Variants in FBXW7 observed in about 807,000 individuals in gnomAD.
The protein encoded by FBXW7 is F-box/WD repeat-containing protein 7.
Under a neutral mutation model 86.3 loss-of-function variants are expected in FBXW7, and 11 were observed. That is an observed-to-expected ratio of 0.13 (90% CI 0.08 to 0.21). The LOEUF is 0.21. Among genes scored for constraint, FBXW7 ranks in the 10% least tolerant of loss-of-function variants. The pLI is 1.00. For missense variants in FBXW7, 488 were observed against 847.4 expected, an observed-to-expected ratio of 0.58 and a Z score of 5.27; for synonymous variants, 313 against 297.9, an observed-to-expected ratio of 1.05 and a Z score of -0.52.
chr4:152,486,605 G>A (rs925955925), intron 2 of FBXW7, among the ~76,000 whole-genome samples: 1 of 151,972 alleles, frequency 6.6e-6, no homozygotes, highest in African/African-American at 2.4e-5. Flanking sequence ...AAGGTCTTCA[G>A]GGACAATAAC....
At chr4:152,361,509 A>G (rs975790838) in intron 4 of FBXW7, among the ~76,000 whole-genome samples, 1 of 152,210 alleles carries the variant, frequency 6.6e-6, no homozygotes, top group Non-Finnish European at 1.5e-5. Flanking sequence ...ATCTGAATGT[A>G]TATTTGTCTT....
intron 2 of FBXW7, among the ~76,000 whole-genome samples, chr4:152,503,052 G>C (rs1018608744): frequency 6.6e-6 from 1 of 152,092 alleles, no homozygotes; most frequent in Admixed American, 6.5e-5. Flanking sequence ...TTTACATAAA[G>C]AGATGGTAAA....
rs148021483 is a variant in FBXW7, at chr4:152,459,634, T to C, written c.-119-47105A>G. Among the ~76,000 whole-genome samples, 5 of 152,300 alleles carry C rather than the reference T, an allele frequency of 3.3e-5. 1 individual carries two copies. In the East Asian group the frequency reaches 9.6e-4, roughly 29 times the overall value. ...CCCCCACTTATCCACAGAGCATATGTTCCAGACCCCCCAGTGGATGCTTGA... is the reference window on the plus strand; with the variant it reads ...CCCCCACTTATCCACAGAGCATATGCTCCAGACCCCCCAGTGGATGCTTGA... On this transcript the variant is annotated intron_variant, in intron 2 of 13. Transcript: ENST00000281708.
In FBXW7 at chr4:152,322,841, T is replaced by C. The variant is rs1297515275; in HGVS notation, c.*40A>G. The C allele has an allele frequency of 6.2e-7, 1 of 1,608,768 alleles. No homozygotes were observed. Among genetic ancestry groups the C allele is most frequent in the Non-Finnish European group, 8.5e-7 (1 of 1,175,846 alleles). On this transcript the variant is annotated 3_prime_UTR_variant, in exon 14 of 14. Coordinates refer to ENST00000281708, the MANE Select transcript of FBXW7 (RefSeq NM_001349798.2). ...TTTGCAGGGGGAAGGGCAGGGAGTA[T>C]ATCGTCTACACAATTGGACAAATTC...
intron 4 of FBXW7, among the ~76,000 whole-genome samples, chr4:152,409,762 T>C (rs1330645249): frequency 6.6e-6 from 1 of 152,158 alleles, no homozygotes; most frequent in African/African-American, 2.4e-5. Flanking sequence ...CATAAATGCA[T>C]ACACACATCT....
At chr4:152,467,688 T>C (rs904208343) in intron 2 of FBXW7, among the ~76,000 whole-genome samples, 11 of 152,168 alleles carry the variant, frequency 7.2e-5, no homozygotes, top group Admixed American at 7.2e-4. Context: ...ACACAAGAAA[T>C]GCCAATGCTT....
intron 4 of FBXW7, among the ~76,000 whole-genome samples, chr4:152,386,250 T>C (rs575293648): frequency 1.3e-5 from 2 of 152,084 alleles, no homozygotes; most frequent in Non-Finnish European, 2.9e-5. Context: ...TGCAATATGA[T>C]AGGTAGGAAC....
At chr4:152,401,954 G>A (rs1029251008) in intron 4 of FBXW7, among the ~76,000 whole-genome samples, 97 of 152,156 alleles carry the variant, frequency 6.4e-4, no homozygotes, top group African/African-American at 2.2e-3. Context: ...TAAAGGACAA[G>A]TGTATTTCTT....
At chr4:152,359,966 C>T (rs1197846886) in intron 4 of FBXW7, among the ~76,000 whole-genome samples, 1 of 152,080 alleles carries the variant, frequency 6.6e-6, no homozygotes. Context: ...GAAATTACCA[C>T]CTGTGGACCT....
At chr4:152,381,573 C>T (rs1735075460) in intron 4 of FBXW7, among the ~76,000 whole-genome samples, 1 of 152,052 alleles carries the variant, frequency 6.6e-6, no homozygotes. Flanking sequence ...GAGAGGAGTA[C>T]GTAATCCTGA....
In FBXW7 at chr4:152,322,849, A is replaced by C. The variant is rs895805873; in HGVS notation, c.*32T>G. On this transcript the variant is annotated 3_prime_UTR_variant, in exon 14 of 14. Transcript: ENST00000281708. ...GGGAAGGGCAGGGAGTATATCGTCT[A>C]CACAATTGGACAAATTCATCTTTTC... The C allele has an allele frequency of 1.9e-6, 3 of 1,611,324 alleles. No homozygotes were observed. Among genetic ancestry groups the C allele is most frequent in the Non-Finnish European group, 2.5e-6 (3 of 1,177,990 alleles).
At chr4:152,448,655 C>T (rs943814404) in intron 2 of FBXW7, among the ~76,000 whole-genome samples, 1 of 152,128 alleles carries the variant, frequency 6.6e-6, no homozygotes, top group Admixed American at 6.5e-5. Flanking sequence ...CACATATATA[C>T]TCAAAATTGT....
intron 7 of FBXW7, among the ~76,000 whole-genome samples, chr4:152,333,748 T>C (rs1476663542): frequency 2.0e-5 from 3 of 152,124 alleles, no homozygotes; most frequent in Non-Finnish European, 4.4e-5. Context: ...CCAATGACTT[T>C]GCATATATAA....
At chr4:152,381,579 C>T (rs1037050171) in intron 4 of FBXW7, among the ~76,000 whole-genome samples, 9 of 152,056 alleles carry the variant, frequency 5.9e-5, no homozygotes. Flanking sequence ...AGTACGTAAT[C>T]CTGAGAAACA....
At chr4:152,358,563 G>A (rs1732621638) in intron 4 of FBXW7, among the ~76,000 whole-genome samples, 1 of 151,652 alleles carries the variant, frequency 6.6e-6, no homozygotes, top group South Asian at 2.1e-4. Flanking sequence ...ATTAACAGCA[G>A]GAAGCCATAG....
chr4:152,491,698 G>A (rs1371170212), intron 2 of FBXW7, among the ~76,000 whole-genome samples: 2 of 152,010 alleles, frequency 1.3e-5, no homozygotes, highest in Non-Finnish European at 2.9e-5. Context: ...AAGTGTCTTC[G>A]TAACTTTGAT....
Position 152,330,723 on chromosome 4 carries a change from T to G in FBXW7, c.1122+9A>C, listed in dbSNP as rs2126533731. The G allele has an allele frequency of 1.2e-6, 2 of 1,610,558 alleles. No individual in the cohort carries two copies. Among genetic ancestry groups the G allele is most frequent in the Non-Finnish European group, 1.7e-6 (2 of 1,178,002 alleles). On this transcript the variant is annotated intron_variant, in intron 9 of 13. Coordinates refer to ENST00000281708, the MANE Select transcript of FBXW7 (RefSeq NM_001349798.2). The stretch of plus-strand genomic sequence containing the variant: ...ACGGTTTCTGTTACATTGTGCAGAG[T>G]TCAGTTACCTTAGGAGATTTGAGTT...
At chr4:152,390,540 A>G (rs1418876898) in intron 4 of FBXW7, among the ~76,000 whole-genome samples, 2 of 152,144 alleles carry the variant, frequency 1.3e-5, no homozygotes, top group Non-Finnish European at 2.9e-5. Flanking sequence ...TATTTCAGTC[A>G]TGCAAAAAGC....
chr4:152,530,902 A>T (rs924183755), intron 2 of FBXW7: 1 of 152,228 alleles, frequency 6.6e-6, no homozygotes, highest in Non-Finnish European at 1.5e-5. Context: ...TGTAAAACCT[A>T]AAATATTTAC....
Sources: allele counts gnomAD v4.1 joint callset (sites outside exome capture counted in the v4.1 genomes callset), GRCh38; gene constraint gnomAD v4.1.1; transcripts MANE v1.5; gene names NCBI Gene and HGNC (gene_info 2026-07-23, HGNC 2026-07-21).